CPNE4: variants seen among roughly 807,000 people sequenced by gnomAD.
CPNE4 encodes the protein copine 4, also known as copine-4.
In CPNE4, 25 loss-of-function variants were observed where a neutral mutation model predicts 67.9. The observed-to-expected ratio is 0.37, with a 90% confidence interval of 0.27 to 0.51. The LOEUF (loss-of-function observed/expected upper bound fraction) is 0.51, where lower values mean the gene tolerates loss of function less well. Ranked by LOEUF, CPNE4 falls within the 20% of genes least tolerant of loss-of-function variation. CPNE4 has a pLI of 0.93. For missense variants in CPNE4, 464 were observed against 690.8 expected, an observed-to-expected ratio of 0.67 and a Z score of 3.68; for synonymous variants, 242 against 244.9, an observed-to-expected ratio of 0.99 and a Z score of 0.11.
Position 131,597,426 on chromosome 3 carries a change from G to A in CPNE4, c.682-9844C>T, listed in dbSNP as rs111336460. Among the ~76,000 whole-genome samples the A allele has an allele frequency of 8.7e-3, 1,328 of 152,154 alleles. 14 individuals are homozygous for A. Among genetic ancestry groups the A allele is most frequent in the African/African-American group, 0.03 (1,240 of 41,492 alleles). On this transcript the variant is annotated intron_variant, in intron 7 of 15. Transcript: ENST00000429747. ...GTATACCTATGTAACAAAACTGCAC[G>A]TTCTGCACATGTAACCCGGAACTTA...
intron 2 of CPNE4, among the ~76,000 whole-genome samples, chr3:131,797,385 T>A (rs373404759): frequency 3.3e-5 from 5 of 152,262 alleles, no homozygotes; most frequent in Admixed American, 2.0e-4. Flanking sequence ...GGTGACTGGT[T>A]TACAGCACTG....
chr3:131,556,212 A>G (rs1006824289), intron 11 of CPNE4, among the ~76,000 whole-genome samples: 1 of 152,054 alleles, frequency 6.6e-6, no homozygotes, highest in African/African-American at 2.4e-5. Flanking sequence ...CATCTCTACT[A>G]AAAATACAAA....
chr3:131,969,959 G>A lies in CPNE4; in HGVS notation c.-1-64515C>T, dbSNP rs113321641. Reference sequence around the variant, plus strand: ...ATTTTGTCAGAATTGAATGAGACATGCCTAGCAAAGTGTCTGCTCCATAAC... The same window carrying A: ...ATTTTGTCAGAATTGAATGAGACATACCTAGCAAAGTGTCTGCTCCATAAC... On this transcript the variant is annotated intron_variant, in intron 1 of 15. Coordinates refer to ENST00000429747, the MANE Select transcript of CPNE4 (RefSeq NM_130808.3). Among the ~76,000 whole-genome samples the A allele has an allele frequency of 7.7e-3, 1,178 of 152,274 alleles. 12 individuals are homozygous for A. The highest frequency in any genetic ancestry group is 0.027 in the African/African-American group (1,119 of 41,560).
chr3:131,612,025 T>C (rs187893738), intron 7 of CPNE4, among the ~76,000 whole-genome samples: 1 of 152,254 alleles, frequency 6.6e-6, no homozygotes, highest in East Asian at 1.9e-4. Context: ...CTTTAGAAAC[T>C]CCAGGTTTTG....
At chr3:131,750,423 A>T (rs2082596581) in intron 2 of CPNE4, among the ~76,000 whole-genome samples, 1 of 151,894 alleles carries the variant, frequency 6.6e-6, no homozygotes, top group African/African-American at 2.4e-5. Flanking sequence ...CATTTTTTTA[A>T]ATTTCATTTC....
intron 1 of CPNE4, among the ~76,000 whole-genome samples, chr3:131,928,286 G>A (rs948589402): frequency 2.0e-5 from 3 of 148,522 alleles, no homozygotes; most frequent in Non-Finnish European, 4.4e-5. Context: ...TACAGTACAG[G>A]TTATCTAAAA....
intron 2 of CPNE4, among the ~76,000 whole-genome samples, chr3:131,870,090 G>A (rs1340007968): frequency 1.3e-5 from 2 of 152,098 alleles, no homozygotes; most frequent in African/African-American, 4.8e-5. Flanking sequence ...CTATGACTTG[G>A]GGATGATAAA....
At chr3:131,926,826 G>C in intron 1 of CPNE4, among the ~76,000 whole-genome samples, 1 of 152,124 alleles carries the variant, frequency 6.6e-6, no homozygotes, top group East Asian at 1.9e-4. Context: ...TTTGAGTCAA[G>C]TCTTGAAGGA....
chr3:132,035,014 C>T lies in CPNE4; in HGVS notation c.-449G>A, dbSNP rs2074316493. ...TCACAGAGAGATTTCCACCTTCTGACGAATCCCATGCACCCAGCAACCCGG... is the reference window on the plus strand; with the variant it reads ...TCACAGAGAGATTTCCACCTTCTGATGAATCCCATGCACCCAGCAACCCGG... On this transcript the variant is annotated 5_prime_UTR_variant, in exon 1 of 16. Coordinates refer to ENST00000429747, the MANE Select transcript of CPNE4 (RefSeq NM_130808.3). 3 of 985,448 alleles carry T rather than the reference C, an allele frequency of 3.0e-6. No individual in the cohort carries two copies. The highest frequency in any genetic ancestry group is 1.7e-5 in the African/African-American group (1 of 57,328). 61.0% of individuals were successfully genotyped at this position (985,448 alleles called of 1,614,324 possible).
At chr3:131,800,365 A>G (rs1044467101) in intron 2 of CPNE4, among the ~76,000 whole-genome samples, 1 of 152,282 alleles carries the variant, frequency 6.6e-6, no homozygotes, top group Middle Eastern at 3.4e-3. Flanking sequence ...ATCACATGAC[A>G]AGCTTCTTGA....
At chr3:131,869,652 A>G (rs897774243) in intron 2 of CPNE4, among the ~76,000 whole-genome samples, 1 of 152,164 alleles carries the variant, frequency 6.6e-6, no homozygotes, top group African/African-American at 2.4e-5. Flanking sequence ...ACAATGCATT[A>G]TATGTTTTGT....
rs1399588431 is a variant in CPNE4 at position 131,837,924 on chromosome 3, CTCATT to C, written c.180+67335_180+67339del. On this transcript the variant is annotated intron_variant, in intron 2 of 15. Transcript: ENST00000429747. The stretch of plus-strand genomic sequence containing the variant: ...TATCATATACATAATATTAAATTCA[CTCATT>C]TCAAGTGTATAATTGAACAGTTTTT... Among the ~76,000 whole-genome samples the C allele has an allele frequency of 6.6e-5, 10 of 151,994 alleles. No homozygotes were observed. In the East Asian group the frequency reaches 1.9e-3, roughly 29 times the overall value.
At chr3:131,547,887 A>G (rs17291275) in intron 14 of CPNE4, among the ~76,000 whole-genome samples, 1 of 152,186 alleles carries the variant, frequency 6.6e-6, no homozygotes, top group Admixed American at 6.6e-5. Flanking sequence ...GATGTTGTGT[A>G]GCAGATTGAA....
chr3:131,860,852 T>C (rs1270171494), intron 2 of CPNE4, among the ~76,000 whole-genome samples: 1 of 152,202 alleles, frequency 6.6e-6, no homozygotes, highest in East Asian at 1.9e-4. Context: ...TGAGTTTGGC[T>C]TTGCATAAAT....
rs553995987 is a variant in CPNE4, at chr3:131,922,216, T to C, written c.-1-16772A>G. 2.0e-5 allele frequency among the ~76,000 whole-genome samples: 3 copies of C among 152,364 alleles called. No homozygotes were observed. The South Asian group carries it at 6.2e-4, about 32-fold the overall frequency. On this transcript the variant is annotated intron_variant, in intron 1 of 15. Transcript: ENST00000429747. ...CATTAATTCACTCAGGATAATGGCC[T>C]CCAGCTGCATTCATGTTGCTACAAA...
intron 3 of CPNE4, among the ~76,000 whole-genome samples, chr3:131,716,947 G>C (rs2081708872): frequency 1.3e-5 from 2 of 152,196 alleles, no homozygotes. Context: ...CCTGCCCGGG[G>C]GTGCCCAACA....
Position 131,723,577 on chromosome 3 carries a change from T to C in CPNE4, c.229A>G (p.Lys77Glu), listed in dbSNP as rs2081937245. 2 of 1,614,044 alleles carry C rather than the reference T, an allele frequency of 1.2e-6. No homozygotes were observed. Among genetic ancestry groups the C allele is most frequent in the Admixed American group, 1.7e-5 (1 of 60,006 alleles). Residue 77 changes from lysine to glutamate, a missense_variant, in exon 3 of 16, where the codon AAA becomes GAA. Lys to Glu is a moderately conservative substitution (Grantham distance 56). Coordinates refer to ENST00000429747, the MANE Select transcript of CPNE4 (RefSeq NM_130808.3). Reference protein sequence around the residue: ...IRTCINPVYSKLFTVDFYFEE... With the variant: ...IRTCINPVYSELFTVDFYFEE... ...AAGTAAAAGTCCACAGTAAACAGTT[T>C]TGAGTACACTGGGTTTATGCAGGTG...
Position 131,661,013 on chromosome 3 carries a change from T to C in CPNE4, c.681+8662A>G, listed in dbSNP as rs190634236. On this transcript the variant is annotated intron_variant, in intron 7 of 15. Transcript: ENST00000429747. ...GATGAGCCACAAGATAGAAGCAACC[T>C]GAGTTACTGGATTACTTCATGAAGG... Among the ~76,000 whole-genome samples, 491 of 152,318 alleles carry C rather than the reference T, an allele frequency of 3.2e-3. 3 individuals are homozygous for C. Among genetic ancestry groups the C allele is most frequent in the African/African-American group, 0.011 (474 of 41,582 alleles).
intron 2 of CPNE4, among the ~76,000 whole-genome samples, chr3:131,749,798 A>T (rs938066162): frequency 6.6e-6 from 1 of 152,130 alleles, no homozygotes; most frequent in Non-Finnish European, 1.5e-5. Flanking sequence ...TATTTGCATG[A>T]TATATCCTTT....
Sources: allele counts gnomAD v4.1 joint callset (sites outside exome capture counted in the v4.1 genomes callset), GRCh38; gene constraint gnomAD v4.1.1; transcripts MANE v1.5; gene names NCBI Gene and HGNC (gene_info 2026-07-23, HGNC 2026-07-21).